ERBB4: variants seen among roughly 807,000 people sequenced by gnomAD.
ERBB4 encodes the protein erb-b2 receptor tyrosine kinase 4.
Under a neutral mutation model 158.0 loss-of-function variants are expected in ERBB4, and 42 were observed. The ratio of observed to expected loss-of-function variants is 0.27; its 90% CI spans 0.21 to 0.34. ERBB4 has a LOEUF of 0.34. ERBB4 is among the 10% of genes least tolerant of loss of function. ERBB4 has a pLI of 1.00. For synonymous variants in ERBB4, 583 were observed against 558.7 expected (o/e 1.04, Z -0.61); for missense variants, 1,333 against 1,624.1 (o/e 0.82, Z 3.08).
At chr2:212,090,487 C>A (rs1313517819) in intron 2 of ERBB4, among the ~76,000 whole-genome samples, 1 of 152,084 alleles carries the variant, frequency 6.6e-6, no homozygotes, top group African/African-American at 2.4e-5. Flanking sequence ...TCAGCTCAAA[C>A]TGGTCTATCC....
At chr2:212,487,134 T>C (rs1287764899) in intron 1 of ERBB4, among the ~76,000 whole-genome samples, 2 of 152,142 alleles carry the variant, frequency 1.3e-5, no homozygotes, top group Non-Finnish European at 2.9e-5. Flanking sequence ...CTTTTAATTC[T>C]CTGATTCTAC....
At chr2:211,742,947 T>C (rs2074845835) in intron 5 of ERBB4, among the ~76,000 whole-genome samples, 1 of 151,538 alleles carries the variant, frequency 6.6e-6, no homozygotes, top group Non-Finnish European at 1.5e-5. Context: ...CTATCATAAG[T>C]AAGTAAGAAG....
At chr2:211,498,293 T>C (rs771896105) in intron 20 of ERBB4, among the ~76,000 whole-genome samples, 14 of 152,136 alleles carry the variant, frequency 9.2e-5, no homozygotes, top group Non-Finnish European at 1.6e-4. Context: ...ATTCTAGGTA[T>C]TCAACACCCC....
chr2:211,642,884 G>T (rs762379861), intron 16 of ERBB4, among the ~76,000 whole-genome samples: 1 of 152,126 alleles, frequency 6.6e-6, no homozygotes, highest in Non-Finnish European at 1.5e-5. Context: ...AAAATGAGAA[G>T]AGTTATTTAT....
chr2:211,555,774 G>A (rs1311294494), intron 20 of ERBB4, among the ~76,000 whole-genome samples: 2 of 152,150 alleles, frequency 1.3e-5, no homozygotes, highest in Non-Finnish European at 2.9e-5. Flanking sequence ...AGCAAATGTT[G>A]AAGTAATTTG....
At chr2:212,410,728 A>ATTACT (rs1321492669) in intron 1 of ERBB4, among the ~76,000 whole-genome samples, 2 of 152,096 alleles carry the variant, frequency 1.3e-5, no homozygotes, top group African/African-American at 4.8e-5. Flanking sequence ...AAATAGTTAT[A>ATTACT]TTACTTCCCC....
intron 1 of ERBB4, among the ~76,000 whole-genome samples, chr2:212,532,265 G>C (rs1158965124): frequency 6.6e-6 from 1 of 152,170 alleles, no homozygotes; most frequent in East Asian, 1.9e-4. Context: ...TCTAGTGCCG[G>C]ACTTCTATGA....
chr2:212,519,430 A>G (rs1474186404), intron 1 of ERBB4, among the ~76,000 whole-genome samples: 1 of 151,966 alleles, frequency 6.6e-6, no homozygotes, highest in Non-Finnish European at 1.5e-5. Flanking sequence ...ATTGATGGCT[A>G]CAGTGGTCTG....
At chr2:212,372,865 A>C (rs1242355576) in intron 1 of ERBB4, among the ~76,000 whole-genome samples, 1 of 152,196 alleles carries the variant, frequency 6.6e-6, no homozygotes, top group Non-Finnish European at 1.5e-5. Context: ...GCCATTGTTC[A>C]TGCTCATCCC....
chr2:211,742,061 A>C (rs2074818966), intron 5 of ERBB4, among the ~76,000 whole-genome samples: 1 of 152,220 alleles, frequency 6.6e-6, no homozygotes, highest in African/African-American at 2.4e-5. Context: ...AAGAAGGCTT[A>C]TGGATGTGCA....
intron 3 of ERBB4, among the ~76,000 whole-genome samples, chr2:211,924,621 C>T (rs1340726211): frequency 6.6e-6 from 1 of 151,948 alleles, no homozygotes; most frequent in Non-Finnish European, 1.5e-5. Flanking sequence ...ACAAAGATAA[C>T]AGATCTCATT....
At chr2:211,607,287 A>G (rs2069019225) in intron 19 of ERBB4, among the ~76,000 whole-genome samples, 1 of 152,210 alleles carries the variant, frequency 6.6e-6, no homozygotes, top group Non-Finnish European at 1.5e-5. Flanking sequence ...CTAGCTAAGC[A>G]GCATTTTTGC....
intron 2 of ERBB4, among the ~76,000 whole-genome samples, chr2:212,047,463 T>TTTTA (rs561340076): frequency 0.019 from 2,917 of 151,660 alleles, 33 homozygotes; most frequent in Middle Eastern, 0.041. Flanking sequence ...TTCATATTAA[T>TTTTA]TTTATTTATT....
At chr2:211,830,361 G>A (rs1386002885) in intron 3 of ERBB4, among the ~76,000 whole-genome samples, 1 of 152,064 alleles carries the variant, frequency 6.6e-6, no homozygotes, top group African/African-American at 2.4e-5. Context: ...TGCTAAATTT[G>A]AGGAGCCTAC....
intron 2 of ERBB4, among the ~76,000 whole-genome samples, chr2:211,976,650 T>A (rs1303037177): frequency 6.6e-6 from 1 of 152,054 alleles, no homozygotes; most frequent in Non-Finnish European, 1.5e-5. Context: ...CTCTTTTCTA[T>A]AACTATAAAA....
intron 1 of ERBB4, among the ~76,000 whole-genome samples, chr2:212,238,032 G>A (rs574934553): frequency 3.9e-5 from 6 of 152,326 alleles, no homozygotes; most frequent in Admixed American, 6.5e-5. Flanking sequence ...GGTAGGATCC[G>A]CTGAGCTAGA....
rs1175469449 is a variant in ERBB4 at position 212,124,815 on chromosome 2, C to T, written c.171G>A (p.Glu57=). ...TTATCTCCAGGTTGCCCATGACAAC[C>T]TCACAGTTTTCATAGTACTTGCGCA... is the stretch of plus-strand genomic sequence containing the variant. ...RALRKYYENC[E]VVMGNLEITS... Residue 57 remains glutamate (E), a synonymous_variant, in exon 2 of 28, where the codon GAG becomes GAA. Coordinates refer to ENST00000342788, the MANE Select transcript of ERBB4 (RefSeq NM_005235.3). The T allele has an allele frequency of 6.2e-7, 1 of 1,614,068 alleles. No homozygotes were observed. The highest frequency in any genetic ancestry group is 8.5e-7 in the Non-Finnish European group (1 of 1,180,016).
intron 3 of ERBB4, among the ~76,000 whole-genome samples, chr2:211,933,580 T>C (rs1052953173): frequency 6.6e-6 from 1 of 152,086 alleles, no homozygotes; most frequent in Non-Finnish European, 1.5e-5. Context: ...TAAACATATA[T>C]AGATTGGCAT....
At chr2:212,282,242 T>A (rs2085785856) in intron 1 of ERBB4, among the ~76,000 whole-genome samples, 1 of 151,876 alleles carries the variant, frequency 6.6e-6, no homozygotes, top group Non-Finnish European at 1.5e-5. Context: ...CCTCATTTTA[T>A]AGGCAAGGCA....
Sources: allele counts gnomAD v4.1 joint callset (sites outside exome capture counted in the v4.1 genomes callset), GRCh38; gene constraint gnomAD v4.1.1; transcripts MANE v1.5; gene names NCBI Gene and HGNC (gene_info 2026-07-23, HGNC 2026-07-21).